Variants in SIPA1L1 observed in about 807,000 individuals in gnomAD.
The protein encoded by SIPA1L1 is signal induced proliferation associated 1 like 1.
In SIPA1L1, 26 loss-of-function variants were observed where a neutral mutation model predicts 162.7. The ratio of observed to expected loss-of-function variants is 0.16; its 90% CI spans 0.12 to 0.22. The LOEUF (loss-of-function observed/expected upper bound fraction) is 0.22. Ranked by LOEUF, SIPA1L1 falls within the 10% of genes least tolerant of loss-of-function variation. The pLI, the probability that SIPA1L1 is intolerant of heterozygous loss-of-function variation, is 1.00. For missense variants in SIPA1L1, 1,874 were observed against 2,241.0 expected, an observed-to-expected ratio of 0.84 and a Z score of 3.31; for synonymous variants, 829 against 837.4, an observed-to-expected ratio of 0.99 and a Z score of 0.17.
At chr14:71,353,182 A>G (rs2036890454) in intron 2 of SIPA1L1, among the ~76,000 whole-genome samples, 1 of 152,234 alleles carries the variant, frequency 6.6e-6, no homozygotes, top group Admixed American at 6.5e-5. Context: ...TCCATTGTAT[A>G]TGTGTATTGC....
intron 2 of SIPA1L1, among the ~76,000 whole-genome samples, chr14:71,498,729 G>A (rs2049978246): frequency 6.6e-6 from 1 of 152,056 alleles, no homozygotes; most frequent in Non-Finnish European, 1.5e-5. Flanking sequence ...TATGTAATTT[G>A]CCTACCAACT....
At chr14:71,619,071 C>G (rs567128818) in intron 6 of SIPA1L1, among the ~76,000 whole-genome samples, 184 bp downstream of exon 6, 38 of 152,036 alleles carry the variant, frequency 2.5e-4, no homozygotes, top group Admixed American at 8.5e-4. Flanking sequence ...TGGACCTCTT[C>G]TTTTCATCAG....
At chr14:71,359,659 G>T (rs2037612067) in intron 2 of SIPA1L1, among the ~76,000 whole-genome samples, 1 of 152,088 alleles carries the variant, frequency 6.6e-6, no homozygotes, top group Non-Finnish European at 1.5e-5. Context: ...CCTACTGGTT[G>T]TTTTTTTAAT....
chr14:71,470,072 T>C (rs879011332), intron 2 of SIPA1L1, among the ~76,000 whole-genome samples: 2 of 152,186 alleles, frequency 1.3e-5, no homozygotes, highest in Admixed American at 1.3e-4. Flanking sequence ...GCTTTGTAAA[T>C]ACTTGGGTAT....
intron 3 of SIPA1L1, among the ~76,000 whole-genome samples, chr14:71,513,959 T>G (rs1481463935): frequency 6.6e-6 from 1 of 152,140 alleles, no homozygotes; most frequent in Non-Finnish European, 1.5e-5. Context: ...CTAAAGGCCT[T>G]TCATTACCGG....
intron 4 of SIPA1L1, among the ~76,000 whole-genome samples, chr14:71,553,192 T>C (rs2056035116): frequency 6.6e-6 from 1 of 152,170 alleles, no homozygotes; most frequent in Non-Finnish European, 1.5e-5. Context: ...TTTGGTGGGG[T>C]GAATGTAGCA....
intron 7 of SIPA1L1, among the ~76,000 whole-genome samples, chr14:71,628,828 C>T (rs1297858057): frequency 6.6e-6 from 1 of 152,058 alleles, no homozygotes; most frequent in African/African-American, 2.4e-5. Context: ...GGTCCATACT[C>T]AGAACAATAA....
At chr14:71,384,488 G>A (rs893191245) in intron 2 of SIPA1L1, among the ~76,000 whole-genome samples, 2 of 152,180 alleles carry the variant, frequency 1.3e-5, no homozygotes, top group Non-Finnish European at 1.5e-5. Context: ...CCGCCGCCTT[G>A]AAACTGGAGC....
chr14:71,719,128 C>T lies in SIPA1L1; in HGVS notation c.4209-4519C>T, dbSNP rs772020972. On this transcript the variant is annotated intron_variant, in intron 17 of 23. Transcript: ENST00000381232. Reference sequence around the variant, plus strand: ...TAATTTTTTTTATTTTTTATGGAAACAGGGTTCGCCATATTGCCCAGGCTG... The same window carrying T: ...TAATTTTTTTTATTTTTTATGGAAATAGGGTTCGCCATATTGCCCAGGCTG... Among the ~76,000 whole-genome samples, 77 of 151,878 alleles carry T rather than the reference C, an allele frequency of 5.1e-4. 2 individuals carry two copies. The highest frequency in any genetic ancestry group is 9.4e-4 in the Non-Finnish European group (64 of 67,934).
intron 2 of SIPA1L1, among the ~76,000 whole-genome samples, chr14:71,472,186 GTTGAC>G (rs1273414691): frequency 6.6e-6 from 1 of 152,198 alleles, no homozygotes; most frequent in Admixed American, 6.5e-5. Flanking sequence ...GTGTCAGCTG[GTTGAC>G]TTGAATATTG....
intron 19 of SIPA1L1, among the ~76,000 whole-genome samples, chr14:71,727,351 A>G (rs2084337302): frequency 1.3e-5 from 2 of 151,334 alleles, no homozygotes; most frequent in East Asian, 1.9e-4. Context: ...ACAAAACGCC[A>G]CCTCTCCAGG....
At chr14:71,506,861 G>A (rs1179701901) in intron 2 of SIPA1L1, among the ~76,000 whole-genome samples, 5 of 126,980 alleles carry the variant, frequency 3.9e-5, no homozygotes, top group African/African-American at 1.5e-4. Flanking sequence ...ACAGGGTCTC[G>A]TCTTGTTGCC....
In SIPA1L1 at chr14:71,678,125, C is replaced by T. The variant is rs557087475; in HGVS notation, c.3104+5503C>T. Among the ~76,000 whole-genome samples the T allele has an allele frequency of 5.3e-5, 8 of 152,208 alleles. No individual in the cohort carries two copies. The East Asian group carries it at 1.5e-3, about 29-fold the overall frequency. ...ACTTCCTCTTTTCCTAATTGAATAC[C>T]CTTTATTTCTTTCTCCTGCCTGATT... On this transcript the variant is annotated intron_variant, in intron 12 of 23. Coordinates refer to ENST00000381232, the MANE Select transcript of SIPA1L1 (RefSeq NM_001386936.1).
intron 2 of SIPA1L1, among the ~76,000 whole-genome samples, chr14:71,331,653 TCA>T (rs1566896753): frequency 1.3e-5 from 2 of 152,228 alleles, no homozygotes; most frequent in African/African-American, 2.4e-5. Flanking sequence ...GTCAGTTGCA[TCA>T]CAGTGATTTA....
In SIPA1L1 at chr14:71,647,705, A is replaced by G. The variant is rs577847140; in HGVS notation, c.1819-2630A>G. On this transcript the variant is annotated intron_variant, in intron 7 of 23. Coordinates refer to ENST00000381232, the MANE Select transcript of SIPA1L1 (RefSeq NM_001386936.1). ...GGCTGTATTAAGGACTTCTTTTGTA[A>G]TAGACATCGAGACTATCTCTCCCTT... Among the ~76,000 whole-genome samples the G allele has an allele frequency of 4.6e-5, 7 of 152,252 alleles. No individual in the cohort carries two copies. The South Asian group carries it at 1.0e-3, about 23-fold the overall frequency.
chr14:71,348,850 TTAAAA>T (rs1422848413), intron 2 of SIPA1L1, among the ~76,000 whole-genome samples: 1 of 152,180 alleles, frequency 6.6e-6, no homozygotes, highest in African/African-American at 2.4e-5. Context: ...TCTTACTCAC[TTAAAA>T]TAAATAAGAA....
chr14:71,690,796 A>T (rs541000288), intron 13 of SIPA1L1, among the ~76,000 whole-genome samples: 2 of 152,334 alleles, frequency 1.3e-5, no homozygotes, highest in East Asian at 3.9e-4. Flanking sequence ...GAGCAACCTC[A>T]ACTGTCATCT....
At chr14:71,348,893 A>G (rs1241637773) in intron 2 of SIPA1L1, among the ~76,000 whole-genome samples, 1 of 152,246 alleles carries the variant, frequency 6.6e-6, no homozygotes, top group Non-Finnish European at 1.5e-5. Flanking sequence ...ATTCTTCCCC[A>G]GGATACTGAA....
At chr14:71,720,073 T>A (rs2150154419) in intron 17 of SIPA1L1, among the ~76,000 whole-genome samples, 1 of 152,350 alleles carries the variant, frequency 6.6e-6, no homozygotes, top group East Asian at 1.9e-4. Flanking sequence ...TCAGATATCC[T>A]TTCTTTATCC....
Sources: gnomAD v4.1 joint callset for allele counts (sites outside exome capture counted in the v4.1 genomes callset) on GRCh38, gnomAD v4.1.1 for gene constraint, MANE v1.5 for transcripts, NCBI Gene and HGNC (gene_info 2026-07-23, HGNC 2026-07-21) for gene names.